The following MLIP variants were observed in gnomAD, a reference collection of about 807,000 sequenced individuals.
MLIP encodes muscular LMNA-interacting protein.
MLIP carries 79 observed loss-of-function variants against 84.8 expected under a neutral mutation model. That is an observed-to-expected ratio of 0.93 (90% confidence interval 0.78 to 1.12). The LOEUF is 1.12. Among genes scored for constraint, MLIP ranks in the 50% most tolerant of loss-of-function variants. The probability of loss-of-function intolerance (pLI) is 0.00; values close to 1 mark genes in which losing one functional copy is unlikely to be tolerated. For missense variants in MLIP, 1,257 were observed against 1,160.6 expected, an observed-to-expected ratio of 1.08 and a Z score of -1.21; for synonymous variants, 504 against 463.0, an observed-to-expected ratio of 1.09 and a Z score of -1.14.
At chr6:54,165,424 G>T (rs1476163621) in intron 8 of MLIP, among the ~76,000 whole-genome samples, 4 of 151,844 alleles carry the variant, frequency 2.6e-5, no homozygotes, top group African/African-American at 9.7e-5. Flanking sequence ...TCTCCCCAAA[G>T]GCTGAAGGAC....
chr6:54,047,229 G>A lies in MLIP; in HGVS notation c.63+28138G>A, dbSNP rs550768018. The A allele has an allele frequency of 6.6e-5, 10 of 152,234 alleles. No homozygotes were observed. The South Asian group carries it at 2.1e-3, about 32-fold the overall frequency. 9.4% of individuals were successfully genotyped at this position (152,234 alleles called of 1,614,324 possible). On this transcript the variant is annotated intron_variant, in intron 1 of 12. Transcript: ENST00000274897. ...TGGGTGTTACAGAAACAAAATTTGT[G>A]GGTTTTGACACTTGATTGGCTACTA... is the stretch of plus-strand genomic sequence containing the variant.
intron 9 of MLIP, among the ~76,000 whole-genome samples, chr6:54,177,451 A>G (rs988375914): frequency 6.6e-6 from 1 of 152,212 alleles, no homozygotes; most frequent in Non-Finnish European, 1.5e-5. Context: ...AAAGCTTAAC[A>G]TCACAGATCA....
chr6:54,209,898 T>C (rs1190955408), intron 11 of MLIP, among the ~76,000 whole-genome samples: 2 of 147,190 alleles, frequency 1.4e-5, no homozygotes, highest in African/African-American at 5.3e-5. Context: ...TCCTTTTTTC[T>C]TTCTTTTTTT....
chr6:54,026,123 A>G lies in MLIP; in HGVS notation c.63+7032A>G, dbSNP rs1335205755. Among the ~76,000 whole-genome samples the G allele has an allele frequency of 5.3e-5, 8 of 152,072 alleles. 1 individual carries two copies. The highest frequency in any genetic ancestry group is 4.1e-4 in the South Asian group (2 of 4,828). ...TCTCTGAGTTTCTGAACAGTGTGTC[A>G]CTCCTGAATTTTTAGTAAAATTAAT... On this transcript the variant is annotated intron_variant, in intron 1 of 12. Coordinates refer to the MLIP transcript ENST00000274897.
chr6:54,247,381 G>A (rs1226427224), intron 12 of MLIP, among the ~76,000 whole-genome samples: 1 of 152,040 alleles, frequency 6.6e-6, no homozygotes, highest in East Asian at 1.9e-4. Flanking sequence ...GAACATAGCT[G>A]GAAGTAAAAG....
chr6:54,244,464 A>G (rs2150846464), intron 12 of MLIP, among the ~76,000 whole-genome samples: 1 of 152,340 alleles, frequency 6.6e-6, no homozygotes, highest in East Asian at 1.9e-4. Context: ...ATTCATTCAC[A>G]AAGAAGCTTC....
At chr6:54,027,020 C>T (rs1281867931) in intron 1 of MLIP, among the ~76,000 whole-genome samples, 3 of 152,118 alleles carry the variant, frequency 2.0e-5, no homozygotes, top group Non-Finnish European at 4.4e-5. Context: ...TCTTTCCATA[C>T]CAAATGATGC....
At chr6:54,142,320 G>C (rs1473883456) in intron 4 of MLIP, among the ~76,000 whole-genome samples, 1 of 152,176 alleles carries the variant, frequency 6.6e-6, no homozygotes, top group Non-Finnish European at 1.5e-5. Flanking sequence ...GTAAATTATT[G>C]TGTGTGTCAG....
intron 1 of MLIP, among the ~76,000 whole-genome samples, chr6:54,063,612 T>A (rs1691775316): frequency 1.3e-5 from 2 of 152,124 alleles, no homozygotes; most frequent in African/African-American, 2.4e-5. Context: ...CAAATATTGT[T>A]AAGGTAAGTA....
intron 11 of MLIP, among the ~76,000 whole-genome samples, chr6:54,229,271 A>G (rs1369548429): frequency 1.3e-5 from 2 of 152,206 alleles, no homozygotes; most frequent in Non-Finnish European, 2.9e-5. Flanking sequence ...GATACAGAAA[A>G]ATTCCAAAAT....
chr6:54,185,377 A>T (rs1001437913), intron 9 of MLIP, among the ~76,000 whole-genome samples: 3 of 152,216 alleles, frequency 2.0e-5, no homozygotes, highest in African/African-American at 7.2e-5. Flanking sequence ...GATAGCAGTG[A>T]TACGGAGTTC....
At chr6:54,143,281 A>G (rs965462235) in intron 4 of MLIP, among the ~76,000 whole-genome samples, 2 of 149,566 alleles carry the variant, frequency 1.3e-5, no homozygotes, top group South Asian at 4.3e-4. Context: ...GCAATGGCGC[A>G]ATCTCGGCTC....
intron 3 of MLIP, among the ~76,000 whole-genome samples, chr6:54,134,967 A>T (rs1214010459): frequency 6.6e-6 from 1 of 151,436 alleles, no homozygotes; most frequent in Non-Finnish European, 1.5e-5. Context: ...ACAATTAGAG[A>T]AGACTTTTCT....
intron 1 of MLIP, among the ~76,000 whole-genome samples, chr6:54,089,241 A>G (rs1767701413): frequency 6.6e-6 from 1 of 152,168 alleles, no homozygotes; most frequent in African/African-American, 2.4e-5. Flanking sequence ...TAATCATTAA[A>G]ATAGAAAAGC....
chr6:54,212,221 T>C (rs779376051), intron 11 of MLIP, among the ~76,000 whole-genome samples: 3 of 152,190 alleles, frequency 2.0e-5, no homozygotes, highest in Non-Finnish European at 4.4e-5. Context: ...AGTCAGATGG[T>C]TTATATAACT....
At chr6:54,262,798 A>G (rs888865638) in intron 13 of MLIP, among the ~76,000 whole-genome samples, 2 of 152,070 alleles carry the variant, frequency 1.3e-5, no homozygotes, top group Non-Finnish European at 1.5e-5. Flanking sequence ...TAAGAAAAAG[A>G]AGGAGGAGGG....
intron 2 of MLIP, 130 bp from the exon 3 acceptor site, chr6:54,124,343 C>G: frequency 1.1e-6 from 1 of 914,308 alleles, no homozygotes; most frequent in South Asian, 2.1e-5. Flanking sequence ...AACCCAATCT[C>G]TTTCTTATGT....
chr6:54,117,569 G>T (rs968851152), intron 1 of MLIP, among the ~76,000 whole-genome samples: 1 of 151,804 alleles, frequency 6.6e-6, no homozygotes, highest in Admixed American at 6.6e-5. Context: ...CAGCAATTAG[G>T]CAAAAGAAAG....
Position 54,124,515 on chromosome 6 carries a change from C to A in MLIP, c.295C>A (p.Gln99Lys). Reference sequence around the variant, plus strand: ...CTTGACCTTGAATGCTGGGAGCCAACAAGAGAGAGACCAAGCGAAATTGAC... The same window carrying A: ...CTTGACCTTGAATGCTGGGAGCCAAAAAGAGAGAGACCAAGCGAAATTGAC... ...DYLTLNAGSQ[Q>K]ERDQAKLTCP... is the part of the protein sequence containing the mutation. The change falls in exon 3 of 14, where the codon CAA (glutamine) becomes AAA (lysine). Residue 99 changes from glutamine (Q) to lysine (K), a missense_variant. Physicochemically the swap from Gln to Lys is moderately conservative, Grantham distance 53. Transcript: ENST00000502396. The A allele has an allele frequency of 1.2e-6, 2 of 1,614,142 alleles. No individual in the cohort carries two copies. Among genetic ancestry groups the A allele is most frequent in the East Asian group, 2.2e-5 (1 of 44,882 alleles).
Sources: gnomAD v4.1 joint callset for allele counts (sites outside exome capture counted in the v4.1 genomes callset) on GRCh38, gnomAD v4.1.1 for gene constraint, MANE v1.5 for transcripts, NCBI Gene and HGNC (gene_info 2026-07-23, HGNC 2026-07-21) for gene names.